The following SLC35F2 variants were observed in gnomAD, a reference collection of about 807,000 sequenced individuals.
SLC35F2 encodes queuine/queuosine transporter SLC35F2.
SLC35F2 carries 25 observed loss-of-function variants against 38.1 expected under a neutral mutation model. The ratio of observed to expected loss-of-function variants is 0.66; its 90% CI spans 0.48 to 0.92. The LOEUF (loss-of-function observed/expected upper bound fraction) is 0.92, where lower values mean the gene tolerates loss of function less well. SLC35F2 is among the 40% of genes least tolerant of loss of function. SLC35F2 has a pLI of 0.00. For synonymous variants in SLC35F2, 173 were observed against 181.7 expected, an observed-to-expected ratio of 0.95 and a Z score of 0.38; for missense variants, 409 against 452.9, an observed-to-expected ratio of 0.90 and a Z score of 0.88.
Position 107,832,222 on chromosome 11 carries a change from G to GT in SLC35F2, c.111-16258dup, listed in dbSNP as rs143257299. Among the ~76,000 whole-genome samples the GT allele has an allele frequency of 1.5e-3, 227 of 152,266 alleles. 1 individual carries two copies. The highest frequency in any genetic ancestry group is 3.4e-3 in the Middle Eastern group (1 of 294). ...TAGGTTATATCCAGTCACTTTAGTT[G>GT]TAACTCAGGATATTTCCAATCAAGA... On this transcript the variant is annotated intron_variant, in intron 1 of 7. Transcript: ENST00000525815.
At chr11:107,849,058 C>G (rs1860137192) in intron 1 of SLC35F2, among the ~76,000 whole-genome samples, 1 of 152,170 alleles carries the variant, frequency 6.6e-6, no homozygotes, top group Non-Finnish European at 1.5e-5. Flanking sequence ...CTGCCTCTCA[C>G]CAGCCAAGTG....
intron 1 of SLC35F2, among the ~76,000 whole-genome samples, chr11:107,833,671 T>C (rs892046696): frequency 1.3e-5 from 2 of 152,264 alleles, no homozygotes; most frequent in African/African-American, 2.4e-5. Flanking sequence ...CTTGTTAAAA[T>C]TGTTACACCC....
intron 1 of SLC35F2, among the ~76,000 whole-genome samples, chr11:107,845,577 G>A (rs1860092982): frequency 1.3e-5 from 2 of 152,038 alleles, no homozygotes; most frequent in Non-Finnish European, 2.9e-5. Context: ...TTTACCTGTG[G>A]TTTTTCATGG....
chr11:107,839,200 C>G (rs1342231822), intron 1 of SLC35F2, among the ~76,000 whole-genome samples: 2 of 152,224 alleles, frequency 1.3e-5, no homozygotes, highest in Admixed American at 1.3e-4. Context: ...GTGACTCACT[C>G]CTGTATTCCC....
In SLC35F2 at chr11:107,793,955, G is replaced by GTA. The variant is rs1859175124; in HGVS notation, c.940-1157_940-1156dup. ...TGAGGAAAGAACACTAATTCATTGG[G>GTA]TATATATATGGAAAAATGATATACC... On this transcript the variant is annotated intron_variant, in intron 7 of 7. Coordinates refer to ENST00000525815, the MANE Select transcript of SLC35F2 (RefSeq NM_017515.5). Among the ~76,000 whole-genome samples, 7 of 151,720 alleles carry GTA rather than the reference G, an allele frequency of 4.6e-5. No homozygotes were observed. In the South Asian group the frequency reaches 1.5e-3, roughly 32 times the overall value.
intron 1 of SLC35F2, among the ~76,000 whole-genome samples, chr11:107,852,306 C>T (rs912607892): frequency 6.6e-6 from 1 of 152,134 alleles, no homozygotes; most frequent in African/African-American, 2.4e-5. Flanking sequence ...AATCCCAACA[C>T]TTTGGGAGGC....
rs966423784 is a variant in SLC35F2, at chr11:107,806,748, T to G, written c.543A>C (p.Ala181=). 4.3e-6 allele frequency: 7 copies of G among 1,614,016 alleles called. No individual in the cohort carries two copies. The African/African-American group carries it at 6.7e-5, about 15-fold the overall frequency. The change falls in exon 4 of 8, where the codon GCA becomes GCC. Residue 181 remains alanine, a synonymous_variant. Transcript: ENST00000525815. ...CLLGVGTMVG[A]DILAGREDNS... Reference sequence around the variant, plus strand: ...TGTCTTCCCTCCCTGCTAGTATGTCTGCACCAACCATGGTTCCTACACCCA... The same window carrying G: ...TGTCTTCCCTCCCTGCTAGTATGTCGGCACCAACCATGGTTCCTACACCCA...
At chr11:107,808,595 T>TA (rs1253275457) in intron 3 of SLC35F2, among the ~76,000 whole-genome samples, 1 of 152,106 alleles carries the variant, frequency 6.6e-6, no homozygotes, top group Non-Finnish European at 1.5e-5. Context: ...GGCCCCTAAA[T>TA]CTCCAACAGC....
chr11:107,813,371 G>A (rs1375885310), intron 2 of SLC35F2, among the ~76,000 whole-genome samples: 1 of 152,170 alleles, frequency 6.6e-6, no homozygotes, highest in Admixed American at 6.5e-5. Flanking sequence ...CTTGAACCCA[G>A]GAGGCAGAGG....
At chr11:107,793,707 G>A (rs1253016793) in intron 7 of SLC35F2, among the ~76,000 whole-genome samples, 4 of 152,162 alleles carry the variant, frequency 2.6e-5, no homozygotes, top group African/African-American at 9.7e-5. Context: ...TACTAGAAGA[G>A]TCCAAAGCCC....
At chr11:107,797,595 T>G (rs1278659350) in intron 7 of SLC35F2, among the ~76,000 whole-genome samples, 1 of 152,176 alleles carries the variant, frequency 6.6e-6, no homozygotes, top group Non-Finnish European at 1.5e-5. Flanking sequence ...AGTAATTTTT[T>G]GAAATGAGTA....
At chr11:107,849,232 C>T (rs921923429) in intron 1 of SLC35F2, among the ~76,000 whole-genome samples, 1 of 152,170 alleles carries the variant, frequency 6.6e-6, no homozygotes, top group Non-Finnish European at 1.5e-5. Context: ...TTAGGCATCA[C>T]TCTGACTTCT....
At chr11:107,848,343 T>C (rs1301634498) in intron 1 of SLC35F2, among the ~76,000 whole-genome samples, 3 of 152,196 alleles carry the variant, frequency 2.0e-5, no homozygotes, top group African/African-American at 7.2e-5. Flanking sequence ...ACAGTGGCTT[T>C]CAGATTTGTT....
At chr11:107,812,782 T>C (rs962858709) in intron 2 of SLC35F2, among the ~76,000 whole-genome samples, 1 of 152,208 alleles carries the variant, frequency 6.6e-6, no homozygotes, top group Non-Finnish European at 1.5e-5. Flanking sequence ...AGCCACGGAC[T>C]ATCCTAGGAA....
intron 1 of SLC35F2, among the ~76,000 whole-genome samples, chr11:107,841,956 C>T (rs1591206810): frequency 6.6e-6 from 1 of 151,778 alleles, no homozygotes; most frequent in Non-Finnish European, 1.5e-5. Context: ...ATCCCAGCTA[C>T]TCGGGAGGCT....
intron 1 of SLC35F2, among the ~76,000 whole-genome samples, chr11:107,834,723 G>A (rs1859901957): frequency 1.3e-5 from 2 of 152,222 alleles, no homozygotes; most frequent in Non-Finnish European, 2.9e-5. Context: ...ACAGGCTAAT[G>A]CGATTTCTCT....
rs374680991 is a variant in SLC35F2 at position 107,804,511 on chromosome 11, C to T, written c.784+207G>A. On this transcript the variant is annotated intron_variant, in intron 6 of 7. Transcript: ENST00000525815. ...TCCTAGTAACCAAAGGCTATTCCTG[C>T]AGGTAAAGATTAAGAATTAACTTTT... Among the ~76,000 whole-genome samples, 14 of 152,298 alleles carry T rather than the reference C, an allele frequency of 9.2e-5. No individual in the cohort carries two copies. The South Asian group carries it at 2.1e-3, about 23-fold the overall frequency.
intron 7 of SLC35F2, among the ~76,000 whole-genome samples, chr11:107,801,743 C>A (rs1308549010): frequency 6.6e-6 from 1 of 151,962 alleles, no homozygotes; most frequent in Non-Finnish European, 1.5e-5. Context: ...GATTATGAGA[C>A]TTTAACATGA....
At chr11:107,833,714 C>G (rs1171965706) in intron 1 of SLC35F2, among the ~76,000 whole-genome samples, 3 of 152,154 alleles carry the variant, frequency 2.0e-5, no homozygotes, top group Middle Eastern at 3.4e-3. Flanking sequence ...CACTCTGAGA[C>G]GAATTAAGAG....
Sources: gnomAD v4.1 joint callset for allele counts (sites outside exome capture counted in the v4.1 genomes callset) on GRCh38, gnomAD v4.1.1 for gene constraint, MANE v1.5 for transcripts, NCBI Gene and HGNC (gene_info 2026-07-23, HGNC 2026-07-21) for gene names.